The following TBC1D12 variants were observed in gnomAD, a reference collection of about 807,000 sequenced individuals.
TBC1D12 encodes TBC1 domain family member 12.
In TBC1D12, 56 loss-of-function variants were observed where a neutral mutation model predicts 86.7. That is an observed-to-expected ratio of 0.65 (90% CI 0.52 to 0.81). The LOEUF (loss-of-function observed/expected upper bound fraction) is 0.81, where lower values mean the gene tolerates loss of function less well. Ranked by LOEUF, TBC1D12 falls within the 30% of genes least tolerant of loss-of-function variation. The probability of loss-of-function intolerance (pLI) is 0.00; values close to 1 mark genes in which losing one functional copy is unlikely to be tolerated. For synonymous variants in TBC1D12, 421 were observed against 411.7 expected, an observed-to-expected ratio of 1.02 and a Z score of -0.27; for missense variants, 1,023 against 1,038.8, an observed-to-expected ratio of 0.98 and a Z score of 0.21.
rs544549489 is a variant in TBC1D12, at chr10:94,518,802, C to T, written c.1762-3153C>T. ...TATGCATAATATTCCGGGCTGGACA[C>T]GGTGGCTCACGCCTGTAATCCCAGC... On this transcript the variant is annotated intron_variant, in intron 9 of 12. Coordinates refer to ENST00000225235, the MANE Select transcript of TBC1D12 (RefSeq NM_015188.2). Among the ~76,000 whole-genome samples the T allele has an allele frequency of 3.3e-5, 5 of 152,276 alleles. No homozygotes were observed. In the East Asian group the frequency reaches 5.8e-4, roughly 18 times the overall value.
chr10:94,437,688 C>T (rs1464192849), intron 1 of TBC1D12, among the ~76,000 whole-genome samples: 1 of 152,054 alleles, frequency 6.6e-6, no homozygotes, highest in African/African-American at 2.4e-5. Context: ...GTCTCACAGG[C>T]CCCTCAGGCT....
At chr10:94,426,566 A>ATTTTAT (rs2055149270) in intron 1 of TBC1D12, among the ~76,000 whole-genome samples, 2 of 151,938 alleles carry the variant, frequency 1.3e-5, no homozygotes, top group East Asian at 3.9e-4. Flanking sequence ...ATATTGTCAG[A>ATTTTAT]TTTTATTTTT....
chr10:94,534,073 C>A lies in TBC1D12; in HGVS notation c.*977C>A, dbSNP rs1842495299. ...GTAGCTAAATCTGTGACTTGTAAAACTCTATGCATAATTTTTCCTAATCAG... is the reference window on the plus strand; with the variant it reads ...GTAGCTAAATCTGTGACTTGTAAAAATCTATGCATAATTTTTCCTAATCAG... On this transcript the variant is annotated 3_prime_UTR_variant, in exon 13 of 13. Coordinates refer to ENST00000225235, the MANE Select transcript of TBC1D12 (RefSeq NM_015188.2). The A allele has an allele frequency of 6.6e-6, 1 of 152,136 alleles. No homozygotes were observed. The highest frequency in any genetic ancestry group is 6.5e-5 in the Admixed American group (1 of 15,274). 9.4% of individuals were successfully genotyped at this position (152,136 alleles called of 1,614,324 possible). A position where few individuals can be genotyped will look rare whatever the true frequency, so the allele number is the denominator to read the frequency against.
intron 2 of TBC1D12, among the ~76,000 whole-genome samples, chr10:94,473,944 C>T (rs978580780): frequency 6.6e-6 from 1 of 152,124 alleles, no homozygotes; most frequent in Non-Finnish European, 1.5e-5. Flanking sequence ...AAATGTTTGA[C>T]AGTCTGTGGC....
At chr10:94,530,854 C>A (rs974687575) in intron 11 of TBC1D12, among the ~76,000 whole-genome samples, 6 of 102,662 alleles carry the variant, frequency 5.8e-5, no homozygotes, top group Admixed American at 2.1e-4. Context: ...GGGAGGAAGC[C>A]TTTTTTTTTT....
intron 2 of TBC1D12, among the ~76,000 whole-genome samples, chr10:94,465,719 C>CGTATACATACATACATACGT (rs144782745): frequency 2.7e-5 from 4 of 145,908 alleles, no homozygotes; most frequent in Non-Finnish European, 4.5e-5. Context: ...TATACGTATA[C>CGTATACATACATACATACGT]ATACATACAT....
At chr10:94,507,901 G>A (rs1392269973) in intron 7 of TBC1D12, among the ~76,000 whole-genome samples, 1 of 152,092 alleles carries the variant, frequency 6.6e-6, no homozygotes, top group Non-Finnish European at 1.5e-5. Context: ...CAGGGAGAAT[G>A]TCTTGAACCT....
At chr10:94,520,732 T>C (rs1842128153) in intron 9 of TBC1D12, among the ~76,000 whole-genome samples, 1 of 151,854 alleles carries the variant, frequency 6.6e-6, no homozygotes. Flanking sequence ...CAATCTTGGC[T>C]TACTGCAAGC....
chr10:94,426,979 T>C (rs539138487), intron 1 of TBC1D12, among the ~76,000 whole-genome samples: 5 of 152,328 alleles, frequency 3.3e-5, no homozygotes, highest in East Asian at 1.9e-4. Flanking sequence ...TTCAGCACAT[T>C]CACAGAGTTG....
In TBC1D12 at chr10:94,534,269, A is replaced by G. The variant is rs1842500642; in HGVS notation, c.*1173A>G. On this transcript the variant is annotated 3_prime_UTR_variant, in exon 13 of 13. Transcript: ENST00000225235. ...TCACATGGTACACTAAATGCTGCCT[A>G]TAACCCATCCTCATCTTCTTTACTC... 6.6e-6 allele frequency: 1 copy of G among 152,182 alleles called. No homozygotes were observed. The highest frequency in any genetic ancestry group is 1.5e-5 in the Non-Finnish European group (1 of 68,044). 9.4% of individuals were successfully genotyped at this position (152,182 alleles called of 1,614,324 possible). A position where few individuals can be genotyped will look rare whatever the true frequency, so the allele number is the denominator to read the frequency against.
At chr10:94,409,440 C>T (rs529428942) in intron 1 of TBC1D12, among the ~76,000 whole-genome samples, 13 of 147,470 alleles carry the variant, frequency 8.8e-5, no homozygotes, top group South Asian at 8.6e-4. Flanking sequence ...TGCGGTGGCA[C>T]GGCTCACTGC....
At chr10:94,528,009 T>C (rs1842339221) in intron 11 of TBC1D12, among the ~76,000 whole-genome samples, 1 of 152,138 alleles carries the variant, frequency 6.6e-6, no homozygotes, top group African/African-American at 2.4e-5. Flanking sequence ...GGTAGTCTAA[T>C]GCCTCCAGCT....
chr10:94,526,727 T>C (rs1294564988), intron 11 of TBC1D12, among the ~76,000 whole-genome samples: 1 of 152,224 alleles, frequency 6.6e-6, no homozygotes, highest in Non-Finnish European at 1.5e-5. Context: ...ACATACTGAT[T>C]TCAATTCCTT....
chr10:94,480,014 A>G (rs1252560710), intron 3 of TBC1D12, among the ~76,000 whole-genome samples: 2 of 152,166 alleles, frequency 1.3e-5, no homozygotes, highest in African/African-American at 4.8e-5. Context: ...GGCCCACAGT[A>G]AGAAAGACTT....
chr10:94,497,276 A>C lies in TBC1D12; in HGVS notation c.1412+104A>C. 5.7e-6 allele frequency: 3 copies of C among 528,490 alleles called. 1 individual carries two copies. Among genetic ancestry groups the C allele is most frequent in the East Asian group, 9.7e-5 (2 of 20,692 alleles). The allele number at this position is 528,490 out of a possible 1,614,324, so 32.7% of individuals were successfully genotyped here. ...TATTATACTTTAAGTTTTAGGGTACATGTGCACAATGTGCAGGTTAGTTAC... is the reference window on the plus strand; with the variant it reads ...TATTATACTTTAAGTTTTAGGGTACCTGTGCACAATGTGCAGGTTAGTTAC... On this transcript the variant is annotated intron_variant, in intron 5 of 12. Coordinates refer to ENST00000225235, the MANE Select transcript of TBC1D12 (RefSeq NM_015188.2).
At chr10:94,514,305 C>CT (rs1351088600) in intron 9 of TBC1D12, among the ~76,000 whole-genome samples, 1 of 152,084 alleles carries the variant, frequency 6.6e-6, no homozygotes, top group Non-Finnish European at 1.5e-5. Context: ...AGTTCAGGCT[C>CT]TTGAAGCTGT....
intron 1 of TBC1D12, among the ~76,000 whole-genome samples, chr10:94,418,396 G>T (rs1240694670): frequency 6.6e-6 from 1 of 152,084 alleles, no homozygotes; most frequent in Non-Finnish European, 1.5e-5. Context: ...GTAATATAAA[G>T]AAAGTGCTGA....
intron 11 of TBC1D12, among the ~76,000 whole-genome samples, chr10:94,524,822 A>AT (rs999477364): frequency 6.7e-6 from 1 of 149,614 alleles, no homozygotes; most frequent in Non-Finnish European, 1.5e-5. Flanking sequence ...TCATTAAAAA[A>AT]TTTTTTTTTT....
intron 4 of TBC1D12, among the ~76,000 whole-genome samples, chr10:94,494,606 C>T (rs1046677472): frequency 2.6e-5 from 4 of 152,040 alleles, no homozygotes; most frequent in Non-Finnish European, 5.9e-5. Flanking sequence ...TGCAGTGATG[C>T]GAACTTGGCT....
Sources: gnomAD v4.1 joint callset for allele counts (sites outside exome capture counted in the v4.1 genomes callset) on GRCh38, gnomAD v4.1.1 for gene constraint, MANE v1.5 for transcripts, NCBI Gene and HGNC (gene_info 2026-07-23, HGNC 2026-07-21) for gene names.